Variants in SLC22A23 observed in about 807,000 individuals in gnomAD.
SLC22A23 encodes solute carrier family 22 member 23, also known as ion transporter protein.
Under a neutral mutation model 61.0 loss-of-function variants are expected in SLC22A23, and 26 were observed. The observed-to-expected ratio is 0.43, with a 90% CI of 0.31 to 0.59. The LOEUF (loss-of-function observed/expected upper bound fraction) is 0.59. Ranked by LOEUF, SLC22A23 falls within the 20% of genes least tolerant of loss-of-function variation. SLC22A23 has a pLI of 0.11. For missense variants in SLC22A23, 796 were observed against 934.7 expected, an observed-to-expected ratio of 0.85 and a Z score of 1.94; for synonymous variants, 430 against 413.9, an observed-to-expected ratio of 1.04 and a Z score of -0.47.
intron 3 of SLC22A23, among the ~76,000 whole-genome samples, chr6:3,380,542 C>A (rs1255611755): frequency 6.0e-4 from 91 of 152,026 alleles, no homozygotes; most frequent in Non-Finnish European, 4.4e-5. Context: ...CCTGTGAAAC[C>A]GGACTCTATT....
intron 3 of SLC22A23, among the ~76,000 whole-genome samples, chr6:3,355,212 A>G (rs1764998978): frequency 6.6e-6 from 1 of 151,834 alleles, no homozygotes; most frequent in Admixed American, 6.6e-5. Flanking sequence ...CCCTCCAAAT[A>G]CTATCCAGTA....
chr6:3,412,916 G>A (rs1458619579), intron 2 of SLC22A23, among the ~76,000 whole-genome samples: 2 of 152,150 alleles, frequency 1.3e-5, no homozygotes, highest in African/African-American at 4.8e-5. Flanking sequence ...ATTATCTCCT[G>A]GGTCTTGCAA....
intron 1 of SLC22A23, among the ~76,000 whole-genome samples, chr6:3,442,699 T>A (rs1386846996): frequency 6.6e-6 from 1 of 152,232 alleles, no homozygotes; most frequent in Non-Finnish European, 1.5e-5. Context: ...TGTGGCTGTT[T>A]TAAGCCAGCA....
At chr6:3,292,738 T>C (rs1363340246) in intron 5 of SLC22A23, among the ~76,000 whole-genome samples, 1 of 152,138 alleles carries the variant, frequency 6.6e-6, no homozygotes, top group Non-Finnish European at 1.5e-5. Flanking sequence ...AAAGCTACGC[T>C]CTCCTTGGAA....
chr6:3,397,532 G>A (rs1289245656), intron 3 of SLC22A23, among the ~76,000 whole-genome samples: 1 of 152,196 alleles, frequency 6.6e-6, no homozygotes, highest in Non-Finnish European at 1.5e-5. Context: ...CTATTTGTGG[G>A]AGCTACTTTA....
At position 3,286,949 on chromosome 6, in the gene SLC22A23, C is replaced by A. The variant is rs745847165; in HGVS notation, c.1456G>T (p.Val486Leu). The A allele has an allele frequency of 2.5e-6, 4 of 1,614,070 alleles. No homozygotes were observed. The highest frequency in any genetic ancestry group is 3.4e-6 in the Non-Finnish European group (4 of 1,180,028). ...CCCCTGCGCCCGAGGAATCGGACCACCACGCACATGGCCAGGCAGGACACC... is the reference window on the plus strand; with the variant it reads ...CCCCTGCGCCCGAGGAATCGGACCAACACGCACATGGCCAGGCAGGACACC... ...ALVSCLAMCV[V>L]VRFLGRRGGL... The change falls in exon 7 of 10, where the codon GTG (valine) becomes TTG (leucine). Residue 486 changes from valine (V) to leucine (L), a missense_variant. By Grantham distance (32) the Val-to-Leu change is conservative. Transcript: ENST00000406686. The surrounding 1 kb of genome is among the most constrained non-coding windows in gnomAD (Gnocchi z 4.2).
In SLC22A23 at chr6:3,304,958, C is replaced by T. The variant is rs757451512; in HGVS notation, c.1083-6740G>A. Among the ~76,000 whole-genome samples, 5 of 152,024 alleles carry T rather than the reference C, an allele frequency of 3.3e-5. No homozygotes were observed. The highest frequency in any genetic ancestry group is 1.3e-4 in the Admixed American group (2 of 15,264). On this transcript the variant is annotated intron_variant, in intron 4 of 9. Transcript: ENST00000406686. This position sits in a 1 kb window ranked among gnomAD's most constrained non-coding sequence, Gnocchi z 4.3. ...TATGGGCTCTGATGAGCAGCAGCCA[C>T]GGGACTGGAGTGAACTGAAGTAAAG...
In SLC22A23 at chr6:3,298,122, G is replaced by A; in HGVS notation, c.1179C>T (p.Asn393=). 1.9e-6 allele frequency: 3 copies of A among 1,582,932 alleles called. No individual in the cohort carries two copies. The highest frequency in any genetic ancestry group is 2.4e-5 in the East Asian group (1 of 42,220). Residue 393 remains asparagine (N), a synonymous_variant, in exon 5 of 10, where the codon AAC becomes AAT. Coordinates refer to ENST00000406686, the MANE Select transcript of SLC22A23 (RefSeq NM_015482.2). ...TCACACCCTTGATGTCGCCCTCAGG[G>A]TTCATGCGATTCTTCTGTGTGAAGT... ...ILHFTQKNRM[N]PEGDIKGVIP...
Position 3,390,640 on chromosome 6 carries a change from A to G in SLC22A23, c.913+19548T>C, listed in dbSNP as rs918303054. On this transcript the variant is annotated intron_variant, in intron 3 of 9. Coordinates refer to ENST00000406686, the MANE Select transcript of SLC22A23 (RefSeq NM_015482.2). This position sits in a 1 kb window ranked among gnomAD's most constrained non-coding sequence, Gnocchi z 4.0. Reference sequence around the variant, plus strand: ...CAGAGATGTACACACTGGGGCCACTATGGTTCTATTTCACTATGGATCAGT... The same window carrying G: ...CAGAGATGTACACACTGGGGCCACTGTGGTTCTATTTCACTATGGATCAGT... Among the ~76,000 whole-genome samples the G allele has an allele frequency of 3.3e-5, 5 of 152,188 alleles. No individual in the cohort carries two copies. Among genetic ancestry groups the G allele is most frequent in the African/African-American group, 4.8e-5 (2 of 41,438 alleles).
intron 4 of SLC22A23, among the ~76,000 whole-genome samples, chr6:3,310,442 T>C (rs1762311671): frequency 7.5e-6 from 1 of 132,790 alleles, no homozygotes; most frequent in Non-Finnish European, 1.6e-5. Context: ...GCACCCTGTC[T>C]CCCAGGGAGC....
intron 3 of SLC22A23, among the ~76,000 whole-genome samples, chr6:3,332,028 T>G (rs1228877784): frequency 3.3e-5 from 5 of 152,220 alleles, no homozygotes; most frequent in Admixed American, 1.3e-4. Context: ...TCATACGCAG[T>G]GAGTGACCAT....
chr6:3,456,445 CGAGGGGCGCCGAGGCCGCCGCGTCCCCG>C lies in SLC22A23; in HGVS notation c.87_114del (p.Ala33ArgfsTer199). 1 of 1,228,298 alleles carries C rather than the reference CGAGGGGCGCCGAGGCCGCCGCGTCCCCG, an allele frequency of 8.1e-7. No homozygotes were observed. Among genetic ancestry groups the C allele is most frequent in the Non-Finnish European group, 1.0e-6 (1 of 988,258 alleles). The allele number at this position is 1,228,298 out of a possible 1,614,324, so 76.1% of individuals were successfully genotyped here. A position where few individuals can be genotyped will look rare whatever the true frequency, so the allele number is the denominator to read the frequency against. ...CCGCCGCCGGGGCCCGCGCGTCCCC[CGAGGGGCGCCGAGGCCGCCGCGTCCCCG>C]GGCGGCAGGGAGCCGTTCTCCTCGG... On this transcript the variant is annotated frameshift_variant, in exon 1 of 10. Transcript: ENST00000406686. LOFTEE classifies it high-confidence loss of function. This position sits in a 1 kb window ranked among gnomAD's most constrained non-coding sequence, Gnocchi z 7.1.
rs185365150 is a variant in SLC22A23, at chr6:3,343,969, T to C, written c.914-19967A>G. ...TCGCTTATTCCTAAGTTAGAAAATA[T>C]TTTAAGAGGATTTTTGCTAAGGGGA... On this transcript the variant is annotated intron_variant, in intron 3 of 9. Coordinates refer to ENST00000406686, the MANE Select transcript of SLC22A23 (RefSeq NM_015482.2). Among the ~76,000 whole-genome samples the C allele has an allele frequency of 4.5e-4, 69 of 152,330 alleles. 1 individual carries two copies. The highest frequency in any genetic ancestry group is 8.8e-5 in the Non-Finnish European group (6 of 68,036).
intron 3 of SLC22A23, among the ~76,000 whole-genome samples, chr6:3,367,015 T>C (rs1007298409): frequency 6.6e-6 from 1 of 152,250 alleles, no homozygotes; most frequent in Non-Finnish European, 1.5e-5. Flanking sequence ...AACTTACTTA[T>C]ATGCAAACAT....
chr6:3,372,142 A>G lies in SLC22A23; in HGVS notation c.913+38046T>C, dbSNP rs1254893228. 6.6e-6 allele frequency among the ~76,000 whole-genome samples: 1 copy of G among 152,226 alleles called. No homozygotes were observed. The highest frequency in any genetic ancestry group is 2.4e-5 in the African/African-American group (1 of 41,460). ...GCCATGAACCTGGGCAACCTAGTCCAGGATCTGAGCTCTGCCTCGAGGGCA... is the reference window on the plus strand; with the variant it reads ...GCCATGAACCTGGGCAACCTAGTCCGGGATCTGAGCTCTGCCTCGAGGGCA... On this transcript the variant is annotated intron_variant, in intron 3 of 9. Transcript: ENST00000406686. This position sits in a 1 kb window ranked among gnomAD's most constrained non-coding sequence, Gnocchi z 4.7.
chr6:3,342,705 G>A lies in SLC22A23; in HGVS notation c.914-18703C>T, dbSNP rs939273796. On this transcript the variant is annotated intron_variant, in intron 3 of 9. Transcript: ENST00000406686. The surrounding 1 kb of genome is among the most constrained non-coding windows in gnomAD (Gnocchi z 4.0). ...TTCTCATCTGCCTGAAACTGCCATCGTACAAATAACACCTTCACATTAGTG... is the reference window on the plus strand; with the variant it reads ...TTCTCATCTGCCTGAAACTGCCATCATACAAATAACACCTTCACATTAGTG... Among the ~76,000 whole-genome samples, 4 of 152,254 alleles carry A rather than the reference G, an allele frequency of 2.6e-5. No homozygotes were observed. The highest frequency in any genetic ancestry group is 1.9e-4 in the East Asian group (1 of 5,182).
At chr6:3,432,988 G>T (rs1770968198) in intron 1 of SLC22A23, among the ~76,000 whole-genome samples, 1 of 152,190 alleles carries the variant, frequency 6.6e-6, no homozygotes. Context: ...TACAAGCTGG[G>T]GCTTTGTGGC....
At chr6:3,379,434 T>C (rs189689437) in intron 3 of SLC22A23, among the ~76,000 whole-genome samples, 102 of 152,320 alleles carry the variant, frequency 6.7e-4, no homozygotes, top group Non-Finnish European at 1.2e-3. Flanking sequence ...TCTCCTGCTA[T>C]GGAACGCTGT....
In SLC22A23 at chr6:3,415,821, T is replaced by C; in HGVS notation, c.689A>G (p.His230Arg). ...AACCAGTAAGGAGAACTTAGCGATA[T>C]GGACCTTCCAGGCATTATCACACAC... ...DLVCDNAWKVHIAKFSLLVGL... is the reference protein window; with the variant it reads ...DLVCDNAWKVRIAKFSLLVGL... Residue 230 changes from histidine (H) to arginine (R), a missense_variant, in exon 2 of 10, where the codon CAT becomes CGT. Coordinates refer to ENST00000406686, the MANE Select transcript of SLC22A23 (RefSeq NM_015482.2). 1 of 1,552,194 alleles carries C rather than the reference T, an allele frequency of 6.4e-7. No individual in the cohort carries two copies. The highest frequency in any genetic ancestry group is 8.7e-7 in the Non-Finnish European group (1 of 1,147,050).
Sources: allele counts gnomAD v4.1 joint callset (sites outside exome capture counted in the v4.1 genomes callset), GRCh38; gene constraint gnomAD v4.1.1; non-coding constraint Gnocchi (gnomAD v3.1); transcripts MANE v1.5; gene names NCBI Gene and HGNC (gene_info 2026-07-23, HGNC 2026-07-21).